ATL1: variants seen among roughly 807,000 people sequenced by gnomAD.
ATL1 encodes the protein atlastin GTPase 1, also known as atlastin-1.
ATL1 carries 31 observed loss-of-function variants against 75.5 expected under a neutral mutation model. The observed-to-expected ratio is 0.41, with a 90% CI of 0.31 to 0.55. The LOEUF is 0.55. Ranked by LOEUF, ATL1 falls within the 20% of genes least tolerant of loss-of-function variation. The pLI is 0.27. For missense variants in ATL1, 405 were observed against 662.6 expected (o/e 0.61, Z 4.27); for synonymous variants, 226 against 233.3 (o/e 0.97, Z 0.28).
chr14:50,533,682 A>C (rs2038453482), intron 1 of ATL1, among the ~76,000 whole-genome samples: 1 of 152,206 alleles, frequency 6.6e-6, no homozygotes, highest in African/African-American at 2.4e-5. Context: ...GAAACATCAT[A>C]AAAGAGCAAG....
At chr14:50,555,752 G>A (rs1261051300), upstream of ATL1, among the ~76,000 whole-genome samples, 2 of 152,150 alleles carry the variant, frequency 1.3e-5, no homozygotes, top group African/African-American at 4.8e-5. Context: ...CTGATGAACT[G>A]ACCACCATAG....
At chr14:50,616,037 AGG>A (rs2039411670) in intron 8 of ATL1, among the ~76,000 whole-genome samples, 1 of 152,182 alleles carries the variant, frequency 6.6e-6, no homozygotes, top group Non-Finnish European at 1.5e-5. Context: ...TCTGTGGCCC[AGG>A]CTGGAGTGCA....
intron 1 of ATL1, among the ~76,000 whole-genome samples, chr14:50,584,354 G>A (rs1203465930): frequency 1.3e-5 from 2 of 152,096 alleles, no homozygotes; most frequent in African/African-American, 4.8e-5. Flanking sequence ...CTCTGCCTGG[G>A]TAACAGAGTG....
intron 8 of ATL1, among the ~76,000 whole-genome samples, chr14:50,618,735 C>G (rs1439645222): frequency 6.6e-6 from 1 of 152,114 alleles, no homozygotes; most frequent in Non-Finnish European, 1.5e-5. Context: ...AACTCTAACT[C>G]TGCTAAAATT....
Position 50,570,234 on chromosome 14 carries a change from A to T in ATL1, c.34+9935A>T, listed in dbSNP as rs1987761. ...TGTTAAGCTCTATTCAGTTTTCTTC[A>T]ATCTTTTTTCTTTCTATTCTTCAAT... is the stretch of plus-strand genomic sequence containing the variant. On this transcript the variant is annotated intron_variant, in intron 1 of 13. Transcript: ENST00000358385. Among the ~76,000 whole-genome samples, 1,294 of 152,140 alleles carry T rather than the reference A, an allele frequency of 8.5e-3. 57 individuals are homozygous for T. Among genetic ancestry groups the T allele is most frequent in the Admixed American group, 0.079 (1,212 of 15,290 alleles).
At chr14:50,538,082 C>T (rs1216380243) in intron 1 of ATL1, among the ~76,000 whole-genome samples, 58 of 152,106 alleles carry the variant, frequency 3.8e-4, no homozygotes, top group East Asian at 1.9e-4. Context: ...TGAATTCCCA[C>T]GTGAGAGAGG....
chr14:50,613,513 A>G (rs2039386213), intron 7 of ATL1, among the ~76,000 whole-genome samples, 162 bp downstream of exon 7: 1 of 152,248 alleles, frequency 6.6e-6, no homozygotes, highest in Admixed American at 6.5e-5. Flanking sequence ...CTATAAAACA[A>G]TAAGTTACTC....
intron 13 of ATL1, 105 bp from the exon 14 acceptor site, chr14:50,632,124 A>C: frequency 1.5e-6 from 1 of 677,854 alleles, no homozygotes; most frequent in East Asian, 2.9e-5. Context: ...AAAGATTTCA[A>C]ATTCAACATG....
At position 50,591,360 on chromosome 14, in the gene ATL1, T is replaced by C. The variant is rs78241205; in HGVS notation, c.418-175T>C. Among the ~76,000 whole-genome samples, 5,701 of 152,294 alleles carry C rather than the reference T, an allele frequency of 0.037. 102 individuals carry two copies. The highest frequency in any genetic ancestry group is 0.055 in the Middle Eastern group (16 of 292). On this transcript the variant is annotated intron_variant, in intron 3 of 13. Transcript: ENST00000358385. ...GATTACTAGTAAAAATTACTTATAA[T>C]AGTAATCAGCTGTTAATATTTTTAT...
At chr14:50,569,070 G>C (rs1266573127) in intron 1 of ATL1, among the ~76,000 whole-genome samples, 1 of 152,000 alleles carries the variant, frequency 6.6e-6, no homozygotes, top group Non-Finnish European at 1.5e-5. Flanking sequence ...TAGTTTCTCA[G>C]CTGGGCATGG....
intron 1 of ATL1, among the ~76,000 whole-genome samples, chr14:50,573,469 C>T (rs2038973198): frequency 6.6e-6 from 1 of 152,184 alleles, no homozygotes; most frequent in South Asian, 2.1e-4. Context: ...CATATGGCTA[C>T]TGGCTACAAT....
intron 1 of ATL1, among the ~76,000 whole-genome samples, chr14:50,578,965 T>G (rs998483779): frequency 6.6e-6 from 1 of 152,222 alleles, no homozygotes; most frequent in African/African-American, 2.4e-5. Context: ...ATGAAAATAA[T>G]TATTACACTT....
chr14:50,600,697 T>C (rs1347572138), intron 6 of ATL1, among the ~76,000 whole-genome samples: 1 of 152,192 alleles, frequency 6.6e-6, no homozygotes, highest in Admixed American at 6.5e-5. Flanking sequence ...TCCTCTTCTC[T>C]CTGATAAGTT....
intron 1 of ATL1, chr14:50,560,974 T>A (rs2038836510): frequency 6.5e-6 from 1 of 153,282 alleles, no homozygotes; most frequent in African/African-American, 2.4e-5. Context: ...TCCAGCCTTC[T>A]GCCCCACCCC....
At chr14:50,625,403 TCTAC>T (rs892513419) in intron 11 of ATL1, among the ~76,000 whole-genome samples, 1 of 152,172 alleles carries the variant, frequency 6.6e-6, no homozygotes, top group Non-Finnish European at 1.5e-5. Context: ...ATCCAGAAGA[TCTAC>T]CTGAGATCAT....
chr14:50,628,531 C>A, intron 12 of ATL1, 69 bp downstream of exon 12: 1 of 1,485,996 alleles, frequency 6.7e-7, no homozygotes, highest in Non-Finnish European at 9.3e-7. Context: ...CCAGCCACTG[C>A]ATTAGATGTT....
intron 1 of ATL1, among the ~76,000 whole-genome samples, chr14:50,580,182 A>G (rs1012445335): frequency 6.6e-6 from 1 of 152,162 alleles, no homozygotes; most frequent in Non-Finnish European, 1.5e-5. Flanking sequence ...TCCATTCCCT[A>G]GTTAATGGAA....
intron 11 of ATL1, among the ~76,000 whole-genome samples, chr14:50,627,584 C>T (rs2039533814): frequency 6.6e-6 from 1 of 152,196 alleles, no homozygotes; most frequent in Non-Finnish European, 1.5e-5. Context: ...ATGTATTTCA[C>T]AGTTTACTTT....
intron 6 of ATL1, among the ~76,000 whole-genome samples, chr14:50,603,666 A>AGTG (rs749944283): frequency 2.0e-5 from 3 of 152,184 alleles, no homozygotes; most frequent in Non-Finnish European, 2.9e-5. Flanking sequence ...ATTCTTTGAT[A>AGTG]GTGATTTAAG....
Sources: allele counts gnomAD v4.1 joint callset (sites outside exome capture counted in the v4.1 genomes callset), GRCh38; gene constraint gnomAD v4.1.1; transcripts MANE v1.5; gene names NCBI Gene and HGNC (gene_info 2026-07-23, HGNC 2026-07-21).